ANKRD45: variants seen among roughly 807,000 people sequenced by gnomAD.
ANKRD45 encodes the protein ankyrin repeat domain-containing protein 45.
Under a neutral mutation model 28.1 loss-of-function variants are expected in ANKRD45, and 21 were observed. The observed-to-expected ratio is 0.75, with a 90% CI of 0.53 to 1.08. ANKRD45 has a LOEUF of 1.08. Ranked by LOEUF, ANKRD45 falls within the 50% of genes least tolerant of loss-of-function variation. ANKRD45 has a pLI of 0.00. For synonymous variants in ANKRD45, 86 were observed against 103.9 expected, an observed-to-expected ratio of 0.83 and a Z score of 1.05; for missense variants, 261 against 308.7, an observed-to-expected ratio of 0.85 and a Z score of 1.16.
At chr1:173,708,143 T>A in the ANKRD45 span, among the ~76,000 whole-genome samples, 1 of 152,256 alleles carries the variant, frequency 6.6e-6, no homozygotes, top group African/African-American at 2.4e-5. Context: ...ATTTGTCTTT[T>A]CTTCCATATT....
At chr1:173,682,462 C>G in the ANKRD45 span, among the ~76,000 whole-genome samples, 1 of 152,024 alleles carries the variant, frequency 6.6e-6, no homozygotes, top group Non-Finnish European at 1.5e-5. Context: ...GTTTCTCCCC[C>G]AAAAGGAGTC....
intron 2 of ANKRD45, among the ~76,000 whole-genome samples, chr1:173,655,498 AG>A (rs915988562): frequency 6.6e-6 from 1 of 152,280 alleles, no homozygotes; most frequent in African/African-American, 2.4e-5. Flanking sequence ...TTCGTCCCAG[AG>A]GGGCACCCAC....
chr1:173,610,589 T>C (rs12093198), intron 5 of ANKRD45, among the ~76,000 whole-genome samples: 25,783 of 151,692 alleles, frequency 0.17, 7,306 homozygotes, highest in African/African-American at 0.59. Context: ...ACATGTGATA[T>C]AGGGGGTCGG....
intron 5 of ANKRD45, chr1:173,612,578 T>TCCCTCTCCCTCTCCCCACGG (rs1667214198): frequency 6.6e-6 from 1 of 152,304 alleles, no homozygotes; most frequent in African/African-American, 2.4e-5. Context: ...AATGACCCTC[T>TCCCTCTCCCTCTCCCCACGG]CCCTCTCCCT....
intron 4 of ANKRD45, among the ~76,000 whole-genome samples, chr1:173,626,294 T>C (rs1667934768): frequency 2.0e-5 from 3 of 152,170 alleles, no homozygotes; most frequent in Admixed American, 2.0e-4. Flanking sequence ...TCTGATACCT[T>C]CAGTATATTT....
At chr1:173,683,988 C>T in the ANKRD45 span, among the ~76,000 whole-genome samples, 1 of 152,132 alleles carries the variant, frequency 6.6e-6, no homozygotes, top group East Asian at 1.9e-4. Context: ...TAGGGTTAGA[C>T]CGCATGGGCT....
At chr1:173,615,503 A>T (rs1428745250) in intron 5 of ANKRD45, among the ~76,000 whole-genome samples, 1 of 152,088 alleles carries the variant, frequency 6.6e-6, no homozygotes, top group African/African-American at 2.4e-5. Flanking sequence ...GGTAAGTTTC[A>T]TTCAGACATG....
the ANKRD45 span, among the ~76,000 whole-genome samples, chr1:173,693,774 T>G: frequency 1.3e-5 from 2 of 152,232 alleles, no homozygotes; most frequent in Non-Finnish European, 2.9e-5. Context: ...AAGGACTCTG[T>G]TCTCTAGCTT....
chr1:173,703,496 G>A, the ANKRD45 span, among the ~76,000 whole-genome samples: 19 of 152,142 alleles, frequency 1.2e-4, no homozygotes, highest in South Asian at 6.2e-4. Flanking sequence ...GTCAATCACC[G>A]CGCCCGATAT....
At chr1:173,652,211 A>C (rs1256135476) in intron 2 of ANKRD45, among the ~76,000 whole-genome samples, 9 of 150,510 alleles carry the variant, frequency 6.0e-5, no homozygotes, top group East Asian at 1.9e-4. Flanking sequence ...TTGCCCATTC[A>C]GTATGATATT....
At chr1:173,633,619 C>CA (rs1348631068) in intron 3 of ANKRD45, among the ~76,000 whole-genome samples, 1 of 151,964 alleles carries the variant, frequency 6.6e-6, no homozygotes, top group Non-Finnish European at 1.5e-5. Context: ...CTATAGTAAC[C>CA]AAAACAGCAT....
the ANKRD45 span, among the ~76,000 whole-genome samples, chr1:173,699,915 G>A: frequency 6.6e-6 from 1 of 152,124 alleles, no homozygotes; most frequent in Non-Finnish European, 1.5e-5. Context: ...TGTATATTTA[G>A]AAAACCGCAT....
Position 173,609,842 on chromosome 1 carries a change from C to G in ANKRD45, c.*303G>C. The G allele has an allele frequency of 3.7e-6, 1 of 267,238 alleles. No homozygotes were observed. The highest frequency in any genetic ancestry group is 7.0e-6 in the Non-Finnish European group (1 of 143,540). 16.6% of individuals were successfully genotyped at this position (267,238 alleles called of 1,614,324 possible). On this transcript the variant is annotated 3_prime_UTR_variant, in exon 6 of 6. Coordinates refer to ENST00000333279, the MANE Select transcript of ANKRD45 (RefSeq NM_198493.3). ...TTTTATATGGAATGCCTCAATTACACAGAAAATTATTAGATTCTCTGAGTA... is the reference window on the plus strand; with the variant it reads ...TTTTATATGGAATGCCTCAATTACAGAGAAAATTATTAGATTCTCTGAGTA...
At chr1:173,686,199 A>C in the ANKRD45 span, among the ~76,000 whole-genome samples, 3 of 152,246 alleles carry the variant, frequency 2.0e-5, no homozygotes, top group Non-Finnish European at 4.4e-5. Flanking sequence ...ACAGGGCATA[A>C]CAAGGCAAAC....
intron 3 of ANKRD45, chr1:173,635,935 T>C (rs905338707): frequency 4.4e-5 from 43 of 985,912 alleles, no homozygotes; most frequent in Non-Finnish European, 4.8e-5. Context: ...GGGTACCGTG[T>C]TTTATTCCTC....
the ANKRD45 span, among the ~76,000 whole-genome samples, chr1:173,684,153 G>A: frequency 2.0e-5 from 3 of 152,142 alleles, no homozygotes; most frequent in African/African-American, 7.2e-5. Context: ...ATGAGTTAGG[G>A]TGGAGTAGGT....
the ANKRD45 span, among the ~76,000 whole-genome samples, chr1:173,702,594 A>G: frequency 6.6e-5 from 10 of 152,132 alleles, no homozygotes; most frequent in African/African-American, 2.4e-4. Context: ...GCCAAGGAAG[A>G]AGGAGAAGGA....
At chr1:173,616,158 T>C (rs894176846) in intron 5 of ANKRD45, among the ~76,000 whole-genome samples, 8 of 151,726 alleles carry the variant, frequency 5.3e-5, no homozygotes, top group Non-Finnish European at 8.8e-5. Context: ...TATTTAGCCA[T>C]AAAGCAGAAT....
chr1:173,679,847 A>G, the ANKRD45 span, among the ~76,000 whole-genome samples: 1 of 152,236 alleles, frequency 6.6e-6, no homozygotes, highest in Non-Finnish European at 1.5e-5. Context: ...ATTTACAAGA[A>G]AAAAGCAAAA....
Sources: gnomAD v4.1 joint callset for allele counts (sites outside exome capture counted in the v4.1 genomes callset) on GRCh38, gnomAD v4.1.1 for gene constraint, MANE v1.5 for transcripts, NCBI Gene and HGNC (gene_info 2026-07-23, HGNC 2026-07-21) for gene names.